The following PC variants were observed in gnomAD, a reference collection of about 807,000 sequenced individuals.
The protein encoded by PC is pyruvate carboxylase, mitochondrial.
In PC, 46 loss-of-function variants were observed where a neutral mutation model predicts 107.8. The ratio of observed to expected loss-of-function variants is 0.43; its 90% CI spans 0.34 to 0.55. The LOEUF (loss-of-function observed/expected upper bound fraction) is 0.55. Ranked by LOEUF, PC falls within the 20% of genes least tolerant of loss-of-function variation. The pLI, the probability that PC is intolerant of heterozygous loss-of-function variation, is 0.04. For synonymous variants in PC, 662 were observed against 684.7 expected (o/e 0.97, Z 0.52); for missense variants, 1,241 against 1,643.1 (o/e 0.76, Z 4.23).
At chr11:66,865,849 C>G (rs1946470585) in intron 11 of PC, among the ~76,000 whole-genome samples, 1 of 152,130 alleles carries the variant, frequency 6.6e-6, no homozygotes, top group Admixed American at 6.5e-5. Context: ...TGCTTGGGCT[C>G]CGTCGGCAGC....
In PC at chr11:66,852,013, T is replaced by C; in HGVS notation, c.1826-67A>G. On this transcript the variant is annotated intron_variant, in intron 15 of 22. Coordinates refer to ENST00000393960, the MANE Select transcript of PC (RefSeq NM_001040716.2). The surrounding 1 kb of genome is among the most constrained non-coding windows in gnomAD (Gnocchi z 4.7). ...GGGGAACTCCACCAGGCCTTGGAGC[T>C]AGCTCTGCAGCACAAGCCTCTGGCC... 1 of 1,536,312 alleles carries C rather than the reference T, an allele frequency of 6.5e-7. No individual in the cohort carries two copies. Among genetic ancestry groups the C allele is most frequent in the Non-Finnish European group, 8.9e-7 (1 of 1,120,252 alleles).
In PC at chr11:66,859,412, T is replaced by G. The variant is rs181326027; in HGVS notation, c.1368+4362A>C. Among the ~76,000 whole-genome samples, 166 of 152,308 alleles carry G rather than the reference T, an allele frequency of 1.1e-3. 1 individual carries two copies. The highest frequency in any genetic ancestry group is 3.9e-3 in the African/African-American group (164 of 41,556). On this transcript the variant is annotated intron_variant, in intron 12 of 22. Coordinates refer to ENST00000393960, the MANE Select transcript of PC (RefSeq NM_001040716.2). The stretch of plus-strand genomic sequence containing the variant: ...GCCCGCGTGTTATTTCTGCCTCTGC[T>G]GGTGCCATCCCCCCACCCCATTCCC...
chr11:66,886,244 G>A (rs1461520494), intron 3 of PC, among the ~76,000 whole-genome samples: 1 of 152,122 alleles, frequency 6.6e-6, no homozygotes, highest in Non-Finnish European at 1.5e-5. Context: ...CCAGGTGCTG[G>A]GGCGGCTGGA....
intron 11 of PC, among the ~76,000 whole-genome samples, chr11:66,864,413 G>A (rs1420338020): frequency 2.0e-5 from 3 of 152,264 alleles, no homozygotes; most frequent in Non-Finnish European, 4.4e-5. Flanking sequence ...GCGAGGGGAC[G>A]GCAGGCCGGC....
At position 66,858,865 on chromosome 11, in the gene PC, G is replaced by C. The variant is rs1380236624; in HGVS notation, c.1368+4909C>G. 6.4e-7 allele frequency: 1 copy of C among 1,558,458 alleles called. No individual in the cohort carries two copies. Among genetic ancestry groups the C allele is most frequent in the Admixed American group, 1.9e-5 (1 of 52,366 alleles). On this transcript the variant is annotated intron_variant, in intron 12 of 22. Coordinates refer to ENST00000393960, the MANE Select transcript of PC (RefSeq NM_001040716.2). This position sits in a 1 kb window ranked among gnomAD's most constrained non-coding sequence, Gnocchi z 5.9. ...CTGCGGGTGCTGGCCTTGCCCCATG[G>C]TGGGAACAGCAGTGCCGAGGGGGGC...
chr11:66,940,102 T>G (rs1236848344), intron 3 of PC, among the ~76,000 whole-genome samples: 1 of 151,964 alleles, frequency 6.6e-6, no homozygotes, highest in South Asian at 2.1e-4. Flanking sequence ...GACATTATCA[T>G]GGGGTAAAAA....
chr11:66,957,223 G>A (rs1949583909), intron 1 of PC, among the ~76,000 whole-genome samples: 1 of 152,248 alleles, frequency 6.6e-6, no homozygotes, highest in Admixed American at 6.5e-5. Flanking sequence ...TGGAGGTTCT[G>A]GTTGTCATCA....
chr11:66,897,003 C>T (rs1184519028), intron 3 of PC, among the ~76,000 whole-genome samples: 1 of 152,094 alleles, frequency 6.6e-6, no homozygotes, highest in Admixed American at 6.6e-5. Context: ...GCAATCTCGG[C>T]TCACTGCAAC....
chr11:66,947,581 C>T (rs1353621873), intron 3 of PC, among the ~76,000 whole-genome samples: 2 of 149,166 alleles, frequency 1.3e-5, no homozygotes, highest in Non-Finnish European at 3.0e-5. Context: ...AAAGAACTGA[C>T]CAGGAACAGT....
In PC at chr11:66,870,162, A is replaced by T. The variant is rs957001329; in HGVS notation, c.903+140T>A. On this transcript the variant is annotated intron_variant, in intron 9 of 22. Coordinates refer to ENST00000393960, the MANE Select transcript of PC (RefSeq NM_001040716.2). The surrounding 1 kb of genome is among the most constrained non-coding windows in gnomAD (Gnocchi z 6.1). ...CACAAACCCACTTCTGGCCCCCAGG[A>T]GAGTCCTTCACCCTCTTCTCCCCAT... The T allele has an allele frequency of 1.2e-5, 13 of 1,043,746 alleles. No homozygotes were observed. Among genetic ancestry groups the T allele is most frequent in the Non-Finnish European group, 1.9e-5 (13 of 698,896 alleles). The allele number at this position is 1,043,746 out of a possible 1,614,324, so 64.7% of individuals were successfully genotyped here. A position where few individuals can be genotyped will look rare whatever the true frequency, so the allele number is the denominator to read the frequency against.
intron 3 of PC, among the ~76,000 whole-genome samples, chr11:66,885,082 G>A (rs542098987): frequency 1.3e-5 from 2 of 152,168 alleles, no homozygotes; most frequent in Non-Finnish European, 2.9e-5. Flanking sequence ...TGGGGACTTC[G>A]GGACCTGTCA....
chr11:66,872,005 CG>C lies in PC; in HGVS notation c.136+18del, dbSNP rs1418725529. 1 of 1,557,072 alleles carries C rather than the reference CG, an allele frequency of 6.4e-7. No homozygotes were observed. The highest frequency in any genetic ancestry group is 1.4e-5 in the African/African-American group (1 of 73,374). ...GGGGCGGCCATGAGGCTCCTCTCAC[CG>C]GCCCCACTGGTGCTCACCTCTGTTG... On this transcript the variant is annotated intron_variant, in intron 4 of 22. Coordinates refer to ENST00000393960, the MANE Select transcript of PC (RefSeq NM_001040716.2).
rs1681193263 is a variant in PC at position 66,858,268 on chromosome 11, A to G, written c.1369-4885T>C. The G allele has an allele frequency of 6.2e-7, 1 of 1,612,270 alleles. No homozygotes were observed. The highest frequency in any genetic ancestry group is 8.5e-7 in the Non-Finnish European group (1 of 1,179,924). ...GCCATGCCTGCCCTGCACACCCTCA[A>G]CCTGGACCATAACCTTATTGACGCA... On this transcript the variant is annotated intron_variant, in intron 12 of 22. Coordinates refer to ENST00000393960, the MANE Select transcript of PC (RefSeq NM_001040716.2). The surrounding 1 kb of genome is among the most constrained non-coding windows in gnomAD (Gnocchi z 5.9).
intron 3 of PC, among the ~76,000 whole-genome samples, chr11:66,914,740 A>G (rs1948426952): frequency 6.6e-6 from 1 of 152,220 alleles, no homozygotes; most frequent in Non-Finnish European, 1.5e-5. Flanking sequence ...GGGACTGTTT[A>G]GTAGTAGTGC....
chr11:66,916,725 C>T (rs1299568519), intron 3 of PC, among the ~76,000 whole-genome samples: 2 of 152,056 alleles, frequency 1.3e-5, no homozygotes, highest in African/African-American at 4.8e-5. Flanking sequence ...GAGGCCGAGG[C>T]GTGCGGATCA....
rs1184131560 is a variant in PC at position 66,871,376 on chromosome 11, G to A, written c.426C>T (p.Ser142=). 3 of 1,613,826 alleles carry A rather than the reference G, an allele frequency of 1.9e-6. No individual in the cohort carries two copies. The highest frequency in any genetic ancestry group is 1.1e-5 in the South Asian group (1 of 91,088). ...CTCCCATCTTGCGGACCACTTCTGG[G>A]CTTGGCCCAATAAACCGGACCCCTG... ...QDAGVRFIGP[S]PEVVRKMGDK... Residue 142 remains serine (S), a synonymous_variant, in exon 6 of 23, where the codon AGC becomes AGT. Coordinates refer to ENST00000393960, the MANE Select transcript of PC (RefSeq NM_001040716.2). The surrounding 1 kb of genome is among the most constrained non-coding windows in gnomAD (Gnocchi z 7.4).
At chr11:66,853,734 G>A (rs1034905165) in intron 12 of PC, among the ~76,000 whole-genome samples, 1 of 152,206 alleles carries the variant, frequency 6.6e-6, no homozygotes, top group African/African-American at 2.4e-5. Flanking sequence ...TCGAAAGAGG[G>A]CCTTGACCGC....
At chr11:66,876,520 C>T (rs1376981515) in intron 3 of PC, among the ~76,000 whole-genome samples, 1 of 152,254 alleles carries the variant, frequency 6.6e-6, no homozygotes, top group East Asian at 1.9e-4. Context: ...CATGCCCCAG[C>T]ACCTGCTGCT....
intron 3 of PC, among the ~76,000 whole-genome samples, chr11:66,917,620 C>T (rs922020422): frequency 6.6e-6 from 1 of 152,212 alleles, no homozygotes; most frequent in African/African-American, 2.4e-5. Context: ...TGTCCTCAAT[C>T]TTGTCTTGTG....
Sources: allele counts gnomAD v4.1 joint callset (sites outside exome capture counted in the v4.1 genomes callset), GRCh38; gene constraint gnomAD v4.1.1; non-coding constraint Gnocchi (gnomAD v3.1); transcripts MANE v1.5; gene names NCBI Gene and HGNC (gene_info 2026-07-23, HGNC 2026-07-21).